SLC48A1: variants seen among roughly 807,000 people sequenced by gnomAD.
SLC48A1 encodes the protein solute carrier family 48 member 1, also known as heme transporter HRG1.
In SLC48A1, 6 loss-of-function variants were observed where a neutral mutation model predicts 14.8. That is an observed-to-expected ratio of 0.41 (90% CI 0.22 to 0.80). The LOEUF is 0.80. SLC48A1 is among the 30% of genes least tolerant of loss of function. The probability of loss-of-function intolerance (pLI) is 0.34; values close to 1 mark genes in which losing one functional copy is unlikely to be tolerated. For synonymous variants in SLC48A1, 89 were observed against 90.0 expected (o/e 0.99, Z 0.06); for missense variants, 165 against 204.8 (o/e 0.81, Z 1.19).
At chr12:47,765,582 G>T (rs1023221602) in intron 2 of SLC48A1, among the ~76,000 whole-genome samples, 13 of 152,088 alleles carry the variant, frequency 8.5e-5, no homozygotes, top group African/African-American at 3.1e-4. Context: ...GGCCCTGGGG[G>T]CCAGGCAAAG....
upstream of SLC48A1, chr12:47,756,450 T>A (rs551343124): frequency 1.3e-5 from 2 of 152,020 alleles, no homozygotes; most frequent in Admixed American, 6.5e-5. Flanking sequence ...GCCAGAGGGG[T>A]AGCGGAGGAG....
chr12:47,756,966 TA>T (rs112318307), upstream of SLC48A1, among the ~76,000 whole-genome samples: 551 of 136,308 alleles, frequency 4.0e-3, no homozygotes, highest in Non-Finnish European at 4.5e-3. Flanking sequence ...AGACTCTGGT[TA>T]AAAAAAAAAA....
chr12:47,760,600 C>A (rs1942349779), intron 2 of SLC48A1, among the ~76,000 whole-genome samples: 1 of 152,106 alleles, frequency 6.6e-6, no homozygotes, highest in Non-Finnish European at 1.5e-5. Context: ...CACTTGTATA[C>A]ATTTCAGCAG....
At position 47,780,962 on chromosome 12, in the gene SLC48A1, C is replaced by T. The variant is rs1161373382; in HGVS notation, c.*681C>T. 1.9e-6 allele frequency: 1 copy of T among 528,728 alleles called. No homozygotes were observed. The highest frequency in any genetic ancestry group is 3.9e-6 in the Non-Finnish European group (1 of 258,364). 32.8% of individuals were successfully genotyped at this position (528,728 alleles called of 1,614,324 possible). ...AAGGTGTAGGGCCATGAGGCCTGGA[C>T]CTATGCTGCAGGCAAGGGTTTCCAT... On this transcript the variant is annotated 3_prime_UTR_variant, in exon 3 of 3. Transcript: ENST00000442218.
chr12:47,778,863 T>C (rs1592609972), intron 1 of SLC48A1, 165 bp from the exon 2 acceptor site: 8 of 744,560 alleles, frequency 1.1e-5, no homozygotes, highest in Non-Finnish European at 1.6e-5. Flanking sequence ...CTCAGTCTCT[T>C]ACCTGCTTCT....
chr12:47,780,308 G>T lies in SLC48A1; in HGVS notation c.*27G>T. Reference sequence around the variant, plus strand: ...CCAGGGGGTGAGGTCTCTGCACCCTGGGGGGGCCTTAGGACCTGGACTCAG... The same window carrying T: ...CCAGGGGGTGAGGTCTCTGCACCCTTGGGGGGCCTTAGGACCTGGACTCAG... On this transcript the variant is annotated 3_prime_UTR_variant, in exon 3 of 3. Transcript: ENST00000442218. 1 of 1,613,382 alleles carries T rather than the reference G, an allele frequency of 6.2e-7. No homozygotes were observed. The highest frequency in any genetic ancestry group is 8.5e-7 in the Non-Finnish European group (1 of 1,179,502).
At position 47,779,019 on chromosome 12, in the gene SLC48A1, C is replaced by T. The variant is rs1268502897; in HGVS notation, c.137-9C>T. The T allele has an allele frequency of 5.2e-6, 8 of 1,551,128 alleles. No homozygotes were observed. The highest frequency in any genetic ancestry group is 2.4e-5 in the East Asian group (1 of 40,926). On this transcript the variant is annotated splice_polypyrimidine_tract_variant and intron_variant, in intron 1 of 2. Transcript: ENST00000442218. ...CCTGGGGATGGGCCCTGATGTGTCTCTCCTGCAGGGGTGCTGGCACTGTGG... is the reference window on the plus strand; with the variant it reads ...CCTGGGGATGGGCCCTGATGTGTCTTTCCTGCAGGGGTGCTGGCACTGTGG...
chr12:47,767,363 A>T (rs1246399548), upstream of SLC48A1, among the ~76,000 whole-genome samples: 1 of 152,208 alleles, frequency 6.6e-6, no homozygotes, highest in African/African-American at 2.4e-5. Flanking sequence ...ATTTATGGAC[A>T]TTCAGCCCTT....
In SLC48A1 at chr12:47,777,291, G is replaced by A. The variant is rs2136867970; in HGVS notation, c.137-1737G>A. Reference sequence around the variant, plus strand: ...GCCCACCCTGATCTCAGTAGGAGGGGGACCCACATTCCAGGCCCCCACCCC... The same window carrying A: ...GCCCACCCTGATCTCAGTAGGAGGGAGACCCACATTCCAGGCCCCCACCCC... On this transcript the variant is annotated intron_variant, in intron 1 of 2. Coordinates refer to ENST00000442218, the MANE Select transcript of SLC48A1 (RefSeq NM_017842.3). This position sits in a 1 kb window ranked among gnomAD's most constrained non-coding sequence, Gnocchi z 4.5. 6.6e-6 allele frequency among the ~76,000 whole-genome samples: 1 copy of A among 152,290 alleles called. No individual in the cohort carries two copies. Among genetic ancestry groups the A allele is most frequent in the East Asian group, 1.9e-4 (1 of 5,182 alleles).
upstream of SLC48A1, chr12:47,758,216 G>T: frequency 7.0e-7 from 1 of 1,438,262 alleles, no homozygotes. Flanking sequence ...CCTGCCAGGA[G>T]CTGGGGGGAG....
At chr12:47,775,874 A>G (rs1942742078) in intron 1 of SLC48A1, among the ~76,000 whole-genome samples, 1 of 152,336 alleles carries the variant, frequency 6.6e-6, no homozygotes, top group Admixed American at 6.5e-5. Context: ...CAGTGGCAGA[A>G]GCAAGACTGG....
At chr12:47,770,231 CT>C (rs536636893), upstream of SLC48A1, among the ~76,000 whole-genome samples, 11 of 152,380 alleles carry the variant, frequency 7.2e-5, no homozygotes, top group East Asian at 2.1e-3. Context: ...ATTTCTCTTT[CT>C]TTTCTTGCGC....
At chr12:47,765,174 G>C (rs1017642215) in intron 2 of SLC48A1, among the ~76,000 whole-genome samples, 1 of 149,786 alleles carries the variant, frequency 6.7e-6, no homozygotes, top group Non-Finnish European at 1.5e-5. Flanking sequence ...GGGATCCAGA[G>C]AGAGAAACAG....
upstream of SLC48A1, among the ~76,000 whole-genome samples, chr12:47,767,561 C>T (rs1338909980): frequency 1.3e-5 from 2 of 152,064 alleles, no homozygotes; most frequent in African/African-American, 2.4e-5. Flanking sequence ...TGAATCAGGA[C>T]GAGTCAGTTA....
upstream of SLC48A1, among the ~76,000 whole-genome samples, chr12:47,755,390 A>G (rs185705495): frequency 6.6e-6 from 1 of 152,264 alleles, no homozygotes; most frequent in Admixed American, 6.5e-5. Flanking sequence ...AACTACTACT[A>G]TTATTTGGAT....
chr12:47,758,336 T>C, upstream of SLC48A1: 1 of 1,440,426 alleles, frequency 6.9e-7, no homozygotes, highest in Non-Finnish European at 9.1e-7. Flanking sequence ...TTCTGTCCCA[T>C]CTCACTGCCC....
chr12:47,775,874 A>T (rs1942742078), intron 1 of SLC48A1, among the ~76,000 whole-genome samples: 1 of 152,218 alleles, frequency 6.6e-6, no homozygotes. Flanking sequence ...CAGTGGCAGA[A>T]GCAAGACTGG....
In SLC48A1 at chr12:47,777,069, C is replaced by T. The variant is rs980877738; in HGVS notation, c.137-1959C>T. Among the ~76,000 whole-genome samples, 4 of 152,130 alleles carry T rather than the reference C, an allele frequency of 2.6e-5. No individual in the cohort carries two copies. The highest frequency in any genetic ancestry group is 9.7e-5 in the African/African-American group (4 of 41,424). Reference sequence around the variant, plus strand: ...TGACAACACCCCTTGTTCCCAGGGCCCTTTATAAACCAAACAGCTCCCTCA... The same window carrying T: ...TGACAACACCCCTTGTTCCCAGGGCTCTTTATAAACCAAACAGCTCCCTCA... On this transcript the variant is annotated intron_variant, in intron 1 of 2. Transcript: ENST00000442218. This position sits in a 1 kb window ranked among gnomAD's most constrained non-coding sequence, Gnocchi z 4.5.
chr12:47,775,335 C>G (rs1311690553), intron 1 of SLC48A1, among the ~76,000 whole-genome samples: 2 of 152,210 alleles, frequency 1.3e-5, no homozygotes, highest in African/African-American at 4.8e-5. Context: ...GGCAGGCCAG[C>G]TGTGGAGCTG....
Sources: gnomAD v4.1 joint callset for allele counts (sites outside exome capture counted in the v4.1 genomes callset) on GRCh38, gnomAD v4.1.1 for gene constraint, Gnocchi (gnomAD v3.1) non-coding constraint, MANE v1.5 for transcripts, NCBI Gene and HGNC (gene_info 2026-07-23, HGNC 2026-07-21) for gene names.